Variants in RBP4 observed in about 807,000 individuals in gnomAD.
RBP4 encodes retinol-binding protein 4.
A neutral mutation model predicts 26.2 loss-of-function variants in RBP4; 9 were observed. That is an observed-to-expected ratio of 0.34 (90% CI 0.21 to 0.60). The LOEUF (loss-of-function observed/expected upper bound fraction) is 0.60. Ranked by LOEUF, RBP4 falls within the 20% of genes least tolerant of loss-of-function variation. RBP4 has a pLI of 0.80. For missense variants in RBP4, 244 were observed against 271.3 expected, an observed-to-expected ratio of 0.90 and a Z score of 0.71; for synonymous variants, 114 against 111.0, an observed-to-expected ratio of 1.03 and a Z score of -0.17.
At chr10:93,596,011 A>G (rs565173496) in intron 4 of RBP4, among the ~76,000 whole-genome samples, 2 of 152,134 alleles carry the variant, frequency 1.3e-5, no homozygotes, top group South Asian at 4.2e-4. Flanking sequence ...CACCCTAACC[A>G]CTGACTCCCC....
chr10:93,593,991 C>G lies in RBP4; in HGVS notation c.400G>C (p.Val134Leu), dbSNP rs557609728. The part of the protein sequence containing the change: ...IVDTDYDTYA[V>L]QYSCRLLNLD... ...TTCAGGAGGCGGCAGGAGTACTGCA[C>G]GGCATACGTGTCGTAGTCTGTGTCG... The change falls in exon 5 of 6, where the codon GTG (valine) becomes CTG (leucine). Residue 134 changes from valine to leucine, a missense_variant. By Grantham distance (32) the Val-to-Leu change is conservative. Transcript: ENST00000371464. 3 of 1,613,872 alleles carry G rather than the reference C, an allele frequency of 1.9e-6. No homozygotes were observed. The African/African-American group carries it at 4.0e-5, about 22-fold the overall frequency.
intron 4 of RBP4, among the ~76,000 whole-genome samples, chr10:93,599,261 T>A (rs76553992): frequency 0.078 from 11,716 of 150,604 alleles, 563 homozygotes; most frequent in Middle Eastern, 0.1. Context: ...AAAAAAATAA[T>A]AATAAATTAA....
chr10:93,600,370 G>A, intron 4 of RBP4, 23 bp downstream of exon 4: 1 of 1,601,372 alleles, frequency 6.2e-7, no homozygotes, highest in Non-Finnish European at 8.6e-7. Flanking sequence ...TCCCAAGACA[G>A]TCCCACAGAG....
chr10:93,593,990 A>G lies in RBP4; in HGVS notation c.401T>C (p.Val134Ala). 6.2e-7 allele frequency: 1 copy of G among 1,613,936 alleles called. No individual in the cohort carries two copies. The highest frequency in any genetic ancestry group is 8.5e-7 in the Non-Finnish European group (1 of 1,180,026). ...GTTCAGGAGGCGGCAGGAGTACTGC[A>G]CGGCATACGTGTCGTAGTCTGTGTC... The part of the protein sequence containing the change: ...IVDTDYDTYA[V>A]QYSCRLLNLD... The change falls in exon 5 of 6, where the codon GTG (valine) becomes GCG (alanine). Residue 134 changes from valine to alanine, a missense_variant. Coordinates refer to ENST00000371464, the MANE Select transcript of RBP4 (RefSeq NM_006744.4).
In RBP4 at chr10:93,598,224, A is replaced by G. The variant is rs561573001; in HGVS notation, c.355+2169T>C. ...GATTTCACGACCAGGGAGATAACTA[A>G]GCAGCCATCATATCAAACACTTACA... On this transcript the variant is annotated intron_variant, in intron 4 of 5. Transcript: ENST00000371464. 2.6e-5 allele frequency among the ~76,000 whole-genome samples: 4 copies of G among 152,368 alleles called. No homozygotes were observed. The South Asian group carries it at 8.3e-4, about 32-fold the overall frequency.
rs202140213 is a variant in RBP4, at chr10:93,593,793, G to A, written c.568+30C>T. Reference sequence around the variant, plus strand: ...GTCCAAACCCACTGCCCTGCAGGAAGAGCCAGAAGGCACCCTGCTCCTGAC... The same window carrying A: ...GTCCAAACCCACTGCCCTGCAGGAAAAGCCAGAAGGCACCCTGCTCCTGAC... On this transcript the variant is annotated intron_variant, in intron 5 of 5. Transcript: ENST00000371464. 608 of 1,608,296 alleles carry A rather than the reference G, an allele frequency of 3.8e-4. 1 individual carries two copies. The highest frequency in any genetic ancestry group is 7.0e-4 in the Admixed American group (42 of 60,012).
intron 4 of RBP4, among the ~76,000 whole-genome samples, chr10:93,596,130 A>C (rs529305599): frequency 6.6e-6 from 1 of 151,422 alleles, no homozygotes; most frequent in Non-Finnish European, 1.5e-5. Context: ...AGACACAAAA[A>C]CACTTGCCTT....
upstream of RBP4, chr10:93,601,656 A>G (rs1383201897): frequency 1.3e-6 from 1 of 777,986 alleles, no homozygotes; most frequent in Non-Finnish European, 2.4e-6. Context: ...TGGCCATGCC[A>G]AATTGGCGCC....
chr10:93,600,902 C>G lies in RBP4; in HGVS notation c.111+16G>C. 2 of 1,612,074 alleles carry G rather than the reference C, an allele frequency of 1.2e-6. No homozygotes were observed. The highest frequency in any genetic ancestry group is 1.7e-6 in the Non-Finnish European group (2 of 1,179,662). On this transcript the variant is annotated intron_variant, in intron 2 of 5. Coordinates refer to ENST00000371464, the MANE Select transcript of RBP4 (RefSeq NM_006744.4). ...TGGGGACCTGGGCCGCCTGGGCCCC[C>G]TGGGCCGATACCTACGCGAGCCTTG...
intron 4 of RBP4, among the ~76,000 whole-genome samples, chr10:93,596,152 C>T (rs1330430269): frequency 6.6e-6 from 1 of 151,874 alleles, no homozygotes; most frequent in African/African-American, 2.4e-5. Context: ...GAAATGTTAC[C>T]TCGACTCATG....
chr10:93,600,861 G>T, intron 2 of RBP4, 57 bp downstream of exon 2: 1 of 1,591,454 alleles, frequency 6.3e-7, no homozygotes, highest in Non-Finnish European at 8.6e-7. Context: ...GGGCCGCGGG[G>T]AGGGCGGGGA....
At chr10:93,595,005 G>A (rs2058294051) in intron 4 of RBP4, among the ~76,000 whole-genome samples, 1 of 152,116 alleles carries the variant, frequency 6.6e-6, no homozygotes, top group South Asian at 2.1e-4. Flanking sequence ...GCCAGGTGGG[G>A]TGACATGCGT....
Position 93,600,966 on chromosome 10 carries a change from G to A in RBP4, c.63C>T (p.Asp21=). The change falls in exon 2 of 6, where the codon GAC becomes GAT. Residue 21 remains aspartate, a synonymous_variant. Transcript: ENST00000371464. ...AALGSGRAER[D]CRVSSFRVKE... The stretch of plus-strand genomic sequence containing the variant: ...TGACTCGGAAGCTGCTCACTCGGCA[G>A]TCGCGCTCCGCGCGGCCGCTGCCCA... 1 of 1,612,430 alleles carries A rather than the reference G, an allele frequency of 6.2e-7. No homozygotes were observed. The highest frequency in any genetic ancestry group is 8.5e-7 in the Non-Finnish European group (1 of 1,179,750).
rs547873944 is a variant in RBP4 at position 93,593,732 on chromosome 10, G to A, written c.568+91C>T. On this transcript the variant is annotated intron_variant, in intron 5 of 5. Transcript: ENST00000371464. The stretch of plus-strand genomic sequence containing the variant: ...AGAACCCCTGTTTTCTCTGGGGTAC[G>A]GACAAAATGAATTTCACTAGCACGT... The A allele has an allele frequency of 3.0e-5, 42 of 1,419,344 alleles. No homozygotes were observed. The African/African-American group carries it at 4.8e-4, about 16-fold the overall frequency. 87.9% of individuals were successfully genotyped at this position (1,419,344 alleles called of 1,614,324 possible). A position where few individuals can be genotyped will look rare whatever the true frequency, so the allele number is the denominator to read the frequency against.
intron 4 of RBP4, among the ~76,000 whole-genome samples, chr10:93,596,191 G>A (rs992033302): frequency 4.0e-5 from 6 of 150,334 alleles, no homozygotes; most frequent in Non-Finnish European, 7.4e-5. Flanking sequence ...TTGGCCGATC[G>A]GCAGCTTAAC....
intron 2 of RBP4, 46 bp downstream of exon 2, chr10:93,600,872 T>TGGGGGGGGTTG: frequency 1.9e-6 from 1 of 533,672 alleles, no homozygotes; most frequent in Non-Finnish European, 3.3e-6. Flanking sequence ...AGGGCGGGGA[T>TGGGGGGGGTTG]GGGGTGGGGA....
In RBP4 at chr10:93,592,051, G is replaced by A; in HGVS notation, c.*24C>T. The A allele has an allele frequency of 6.2e-7, 1 of 1,602,398 alleles. No individual in the cohort carries two copies. The highest frequency in any genetic ancestry group is 8.6e-7 in the Non-Finnish European group (1 of 1,169,344). On this transcript the variant is annotated 3_prime_UTR_variant, in exon 6 of 6. Coordinates refer to ENST00000371464, the MANE Select transcript of RBP4 (RefSeq NM_006744.4). ...ACTGAGAGCTAATCAGAAGTTCTCA[G>A]ATGAAACTAGATTCTTGATATTGCT...
Position 93,591,944 on chromosome 10 carries a change from T to C in RBP4, c.*131A>G, listed in dbSNP as rs2058269055. The C allele has an allele frequency of 1.3e-6, 1 of 794,724 alleles. No homozygotes were observed. The highest frequency in any genetic ancestry group is 2.2e-6 in the Non-Finnish European group (1 of 456,536). 49.2% of individuals were successfully genotyped at this position (794,724 alleles called of 1,614,324 possible). On this transcript the variant is annotated 3_prime_UTR_variant, in exon 6 of 6. Transcript: ENST00000371464. Reference sequence around the variant, plus strand: ...TCACTGACCCCCACGTGTATCTTTATGTGTAATGAAGGTTTTATGGGAACT... The same window carrying C: ...TCACTGACCCCCACGTGTATCTTTACGTGTAATGAAGGTTTTATGGGAACT...
chr10:93,601,623 C>A, upstream of RBP4: 2 of 768,924 alleles, frequency 2.6e-6, no homozygotes, highest in African/African-American at 1.7e-5. Context: ...GCGAGGCTCC[C>A]TGGTGCGTGA....
Sources: allele counts gnomAD v4.1 joint callset (sites outside exome capture counted in the v4.1 genomes callset), GRCh38; gene constraint gnomAD v4.1.1; transcripts MANE v1.5; gene names NCBI Gene and HGNC (gene_info 2026-07-23, HGNC 2026-07-21).